Variants in PDE12 observed in about 807,000 individuals in gnomAD.
PDE12 encodes 2',5'-phosphodiesterase 12.
PDE12 carries 26 observed loss-of-function variants against 45.4 expected under a neutral mutation model. The observed-to-expected ratio is 0.57, with a 90% CI of 0.42 to 0.79. The LOEUF is 0.79. Ranked by LOEUF, PDE12 falls within the 30% of genes least tolerant of loss-of-function variation. PDE12 has a pLI of 0.00. For missense variants in PDE12, 668 were observed against 790.0 expected, an observed-to-expected ratio of 0.85 and a Z score of 1.85; for synonymous variants, 283 against 323.9, an observed-to-expected ratio of 0.87 and a Z score of 1.36.
chr3:57,608,399 A>T, the PDE12 span, among the ~76,000 whole-genome samples: 9 of 152,120 alleles, frequency 5.9e-5, no homozygotes, highest in South Asian at 4.2e-4. Context: ...ATTAACCTTA[A>T]ATGTAAATGG....
In PDE12 at chr3:57,556,744, T is replaced by A; in HGVS notation, c.365T>A (p.Val122Glu). 1.9e-6 allele frequency: 3 copies of A among 1,599,282 alleles called. 1 individual carries two copies. In the South Asian group the frequency reaches 3.3e-5, roughly 18 times the overall value. Residue 122 changes from valine to glutamate, a missense_variant, in exon 1 of 3, where the codon GTG becomes GAG. Val to Glu is a moderately radical substitution (Grantham distance 121, BLOSUM62 -2). Coordinates refer to ENST00000311180, the MANE Select transcript of PDE12 (RefSeq NM_177966.7). The surrounding 1 kb of genome is among the most constrained non-coding windows in gnomAD (Gnocchi z 5.0). ...GAGCCGGCTGTGTTCTGCGAGCCCG[T>A]GGTGAAGCTGTACTACCGGGAAGAG... Reference protein sequence around the residue: ...GPEPAVFCEPVVKLYYREEAV... With the variant: ...GPEPAVFCEPEVKLYYREEAV...
chr3:57,599,288 C>G, the PDE12 span, among the ~76,000 whole-genome samples: 5 of 152,194 alleles, frequency 3.3e-5, no homozygotes, highest in Non-Finnish European at 7.3e-5. Flanking sequence ...ATGCGTTTAT[C>G]TCAGTGAGCA....
chr3:57,558,965 T>A (rs1024784372), intron 1 of PDE12, among the ~76,000 whole-genome samples: 2 of 150,802 alleles, frequency 1.3e-5, no homozygotes, highest in African/African-American at 4.9e-5. Context: ...CTTATGCCTG[T>A]AATCCCAGCA....
At chr3:57,597,394 C>T in the PDE12 span, 1 of 329,664 alleles carries the variant, frequency 3.0e-6, no homozygotes, top group East Asian at 6.0e-5. Context: ...TGCCACGTCA[C>T]GCGGCGGCCG....
the PDE12 span, among the ~76,000 whole-genome samples, chr3:57,616,689 G>C: frequency 2.0e-5 from 3 of 152,132 alleles, no homozygotes; most frequent in Non-Finnish European, 4.4e-5. Context: ...AACTCATTCT[G>C]TGAAGCCTGA....
the PDE12 span, among the ~76,000 whole-genome samples, chr3:57,640,052 G>C: frequency 6.6e-6 from 1 of 150,564 alleles, no homozygotes; most frequent in Non-Finnish European, 1.5e-5. Context: ...TGGGCGGTCT[G>C]GAGGTCTGGA....
the PDE12 span, among the ~76,000 whole-genome samples, chr3:57,644,754 GGGAGGGGAGGGGTGA>G: frequency 2.5e-4 from 1 of 3,978 alleles, no homozygotes; most frequent in African/African-American, 1.2e-3. Flanking sequence ...GGGTGGGGAG[GGGAGGGGAGGGGTGA>G]GGAGGGGAGG....
the PDE12 span, among the ~76,000 whole-genome samples, chr3:57,592,156 G>A: frequency 6.6e-6 from 1 of 152,048 alleles, no homozygotes; most frequent in South Asian, 2.1e-4. Context: ...TTTACATGCT[G>A]CCATCCTGCC....
chr3:57,580,065 AC>A, the PDE12 span, among the ~76,000 whole-genome samples: 1 of 152,150 alleles, frequency 6.6e-6, no homozygotes, highest in Non-Finnish European at 1.5e-5. Flanking sequence ...TGATCATGCC[AC>A]TGCACTCTAG....
In PDE12 at chr3:57,556,477, G is replaced by C; in HGVS notation, c.98G>C (p.Gly33Ala). ...GAAGCGGGGAGCCAGACAGCGGCGG[G>C]AGCGATGGAGCGCGCTGTAGTGCGC... ...RAEAGSQTAA[G>A]AMERAVVRCV... The change falls in exon 1 of 3, where the codon GGA becomes GCA. Residue 33 changes from glycine (G) to alanine (A), a missense_variant. Physicochemically the swap from Gly to Ala is moderately conservative, Grantham distance 60. Coordinates refer to ENST00000311180, the MANE Select transcript of PDE12 (RefSeq NM_177966.7). This position sits in a 1 kb window ranked among gnomAD's most constrained non-coding sequence, Gnocchi z 5.0. 6.2e-7 allele frequency: 1 copy of C among 1,612,868 alleles called. No individual in the cohort carries two copies. Among genetic ancestry groups the C allele is most frequent in the South Asian group, 1.1e-5 (1 of 91,076 alleles).
the PDE12 span, chr3:57,633,224 C>A: frequency 6.5e-7 from 1 of 1,526,724 alleles, no homozygotes; most frequent in Non-Finnish European, 9.1e-7. Context: ...ATACCCTTCA[C>A]CAAATCATTA....
the PDE12 span, among the ~76,000 whole-genome samples, chr3:57,585,392 A>G: frequency 6.6e-6 from 1 of 152,162 alleles, no homozygotes; most frequent in Non-Finnish European, 1.5e-5. Context: ...TTATAATGAT[A>G]ATAAAGGAAG....
the PDE12 span, among the ~76,000 whole-genome samples, chr3:57,592,722 A>G: frequency 6.6e-6 from 1 of 152,196 alleles, no homozygotes; most frequent in East Asian, 1.9e-4. Context: ...CAGTGGCATG[A>G]AACAGGATTT....
chr3:57,644,593 C>T, the PDE12 span, among the ~76,000 whole-genome samples: 9 of 149,358 alleles, frequency 6.0e-5, no homozygotes, highest in South Asian at 2.0e-3. Context: ...CAGGCATGGG[C>T]CATCACGACT....
chr3:57,559,113 C>CCGGAGGCAGAGGCAGGGGAAT (rs2069698255), intron 1 of PDE12, among the ~76,000 whole-genome samples, 197 bp from the exon 2 acceptor site: 1 of 151,794 alleles, frequency 6.6e-6, no homozygotes, highest in Non-Finnish European at 1.5e-5. Flanking sequence ...CCCAGCTACT[C>CCGGAGGCAGAGGCAGGGGAAT]CGGAGGCAGA....
Position 57,560,886 on chromosome 3 carries a change from T to C in PDE12, c.*882T>C. The C allele has an allele frequency of 1.0e-6, 1 of 985,338 alleles. No individual in the cohort carries two copies. The highest frequency in any genetic ancestry group is 1.2e-6 in the Non-Finnish European group (1 of 829,436). The allele number at this position is 985,338 out of a possible 1,614,324, so 61.0% of individuals were successfully genotyped here. On this transcript the variant is annotated 3_prime_UTR_variant, in exon 3 of 3. Coordinates refer to ENST00000311180, the MANE Select transcript of PDE12 (RefSeq NM_177966.7). ...TACCTCAATTTAGTTAGCGATTTAC[T>C]ACAATTTCAGAGCTTTAACAAAAGA...
At chr3:57,589,487 A>C in the PDE12 span, among the ~76,000 whole-genome samples, 4 of 152,100 alleles carry the variant, frequency 2.6e-5, no homozygotes, top group Non-Finnish European at 4.4e-5. Context: ...TGGGAGGCTG[A>C]AGTGGGTGGA....
the PDE12 span, among the ~76,000 whole-genome samples, chr3:57,596,423 G>A: frequency 6.6e-6 from 1 of 152,134 alleles, no homozygotes; most frequent in Non-Finnish European, 1.5e-5. Flanking sequence ...AGAAATAGAA[G>A]ATAAGCTCAG....
At position 57,564,761 on chromosome 3, in the gene PDE12, G is replaced by A. The variant is rs1375731942; in HGVS notation, c.*4757G>A. ...GCTTACTGCAACCTCCACCTCCTGG[G>A]CTTATGCAATCCTCCCACCACAGCC... On this transcript the variant is annotated 3_prime_UTR_variant, in exon 3 of 3. Transcript: ENST00000311180. 1 of 151,222 alleles carries A rather than the reference G, an allele frequency of 6.6e-6. No individual in the cohort carries two copies. Among genetic ancestry groups the A allele is most frequent in the Non-Finnish European group, 1.5e-5 (1 of 67,970 alleles). The allele number at this position is 151,222 out of a possible 1,614,324, so 9.4% of individuals were successfully genotyped here. A position where few individuals can be genotyped will look rare whatever the true frequency, so the allele number is the denominator to read the frequency against.
Sources: gnomAD v4.1 joint callset for allele counts (sites outside exome capture counted in the v4.1 genomes callset) on GRCh38, gnomAD v4.1.1 for gene constraint, Gnocchi (gnomAD v3.1) non-coding constraint, MANE v1.5 for transcripts, NCBI Gene and HGNC (gene_info 2026-07-23, HGNC 2026-07-21) for gene names.